CDH7: variants seen among roughly 807,000 people sequenced by gnomAD.
The protein encoded by CDH7 is cadherin-7.
Under a neutral mutation model 71.8 loss-of-function variants are expected in CDH7, and 25 were observed. The observed-to-expected ratio is 0.35, with a 90% CI of 0.25 to 0.49. CDH7 has a LOEUF of 0.49. CDH7 is among the 20% of genes least tolerant of loss of function. CDH7 has a pLI of 0.99. For missense variants in CDH7, 862 were observed against 974.6 expected, an observed-to-expected ratio of 0.88 and a Z score of 1.54; for synonymous variants, 381 against 363.8, an observed-to-expected ratio of 1.05 and a Z score of -0.54.
intron 11 of CDH7, among the ~76,000 whole-genome samples, chr18:65,875,383 G>T (rs1427113212): frequency 6.6e-6 from 1 of 152,170 alleles, no homozygotes; most frequent in Non-Finnish European, 1.5e-5. Flanking sequence ...GTTACTTGAT[G>T]ATAGTCCAGT....
chr18:65,869,601 G>C (rs1913869550), intron 11 of CDH7, among the ~76,000 whole-genome samples: 1 of 114,948 alleles, frequency 8.7e-6, no homozygotes, highest in South Asian at 2.8e-4. Flanking sequence ...TGGCTTCTGA[G>C]TCCAGGCTGG....
intron 6 of CDH7, among the ~76,000 whole-genome samples, chr18:65,837,734 C>T (rs1254425433): frequency 6.6e-6 from 1 of 151,950 alleles, no homozygotes; most frequent in Admixed American, 6.6e-5. Flanking sequence ...GGTCATAACC[C>T]AGGGAAATAA....
Position 65,770,413 on chromosome 18 carries a change from C to A in CDH7, c.210+7361C>A, listed in dbSNP as rs9958015. Among the ~76,000 whole-genome samples the A allele has an allele frequency of 3.4e-3, 521 of 152,200 alleles. 1 individual carries two copies. The highest frequency in any genetic ancestry group is 0.012 in the African/African-American group (501 of 41,540). On this transcript the variant is annotated intron_variant, in intron 2 of 11. Coordinates refer to ENST00000397968, the MANE Select transcript of CDH7 (RefSeq NM_004361.5). ...AAACATTGTTTTGGAATAATAAACACTTAGAATCCTATAAGTTAAAGAACT... is the reference window on the plus strand; with the variant it reads ...AAACATTGTTTTGGAATAATAAACAATTAGAATCCTATAAGTTAAAGAACT...
chr18:65,802,439 CCA>C (rs1398359134), intron 2 of CDH7, among the ~76,000 whole-genome samples: 14 of 152,146 alleles, frequency 9.2e-5, no homozygotes, highest in Non-Finnish European at 2.1e-4. Flanking sequence ...TTCAGAAAAA[CCA>C]ATACCTCACT....
intron 2 of CDH7, among the ~76,000 whole-genome samples, chr18:65,777,999 G>A (rs1489070427): frequency 3.3e-5 from 5 of 152,108 alleles, no homozygotes; most frequent in Admixed American, 6.6e-5. Context: ...CCAGCCGGGC[G>A]TGGTGGCTCA....
At chr18:65,818,319 A>G (rs1911794934) in intron 4 of CDH7, among the ~76,000 whole-genome samples, 2 of 152,174 alleles carry the variant, frequency 1.3e-5, no homozygotes, top group South Asian at 2.1e-4. Context: ...GTTTATTACA[A>G]TTGGTGAATT....
chr18:65,819,392 G>T (rs1911837185), intron 4 of CDH7, among the ~76,000 whole-genome samples: 1 of 152,122 alleles, frequency 6.6e-6, no homozygotes, highest in African/African-American at 2.4e-5. Flanking sequence ...AATAAAAGTT[G>T]CTGTCCAAAA....
At chr18:65,819,118 G>A (rs577777943) in intron 4 of CDH7, among the ~76,000 whole-genome samples, 1 of 152,134 alleles carries the variant, frequency 6.6e-6, no homozygotes, top group East Asian at 1.9e-4. Flanking sequence ...ACTCCCACCA[G>A]TGCCATGACA....
At chr18:65,858,211 C>A (rs919371148) in intron 8 of CDH7, among the ~76,000 whole-genome samples, 2 of 151,948 alleles carry the variant, frequency 1.3e-5, no homozygotes, top group Non-Finnish European at 2.9e-5. Flanking sequence ...TTTTTCTGAT[C>A]ATAATTCATA....
intron 5 of CDH7, among the ~76,000 whole-genome samples, chr18:65,823,040 GCTTTT>G (rs1024322223): frequency 6.6e-6 from 1 of 151,722 alleles, no homozygotes; most frequent in African/African-American, 2.4e-5. Context: ...TCTCTAAAAT[GCTTTT>G]CCAGTAGAAA....
chr18:65,851,195 C>T (rs1266478922), intron 7 of CDH7, among the ~76,000 whole-genome samples: 2 of 152,122 alleles, frequency 1.3e-5, no homozygotes, highest in Non-Finnish European at 2.9e-5. Flanking sequence ...TCCCCAGCCA[C>T]ACAGTTAGCA....
intron 2 of CDH7, among the ~76,000 whole-genome samples, chr18:65,800,973 C>G (rs1449421435): frequency 6.6e-6 from 1 of 152,114 alleles, no homozygotes; most frequent in African/African-American, 2.4e-5. Context: ...AAGCACTTCC[C>G]TGAACCCCGG....
At chr18:65,762,422 A>G (rs188728394) in intron 1 of CDH7, among the ~76,000 whole-genome samples, 8 of 152,348 alleles carry the variant, frequency 5.3e-5, no homozygotes, top group Non-Finnish European at 2.9e-5. Context: ...TTATGAAATG[A>G]AGATAGTTCT....
At chr18:65,877,235 C>T (rs992243989) in intron 11 of CDH7, among the ~76,000 whole-genome samples, 1 of 152,034 alleles carries the variant, frequency 6.6e-6, no homozygotes, top group South Asian at 2.1e-4. Flanking sequence ...ATAAAGCAAA[C>T]TGCATAACAC....
chr18:65,864,360 A>G (rs1313912224), intron 11 of CDH7, among the ~76,000 whole-genome samples: 2 of 151,704 alleles, frequency 1.3e-5, no homozygotes, highest in Admixed American at 1.3e-4. Flanking sequence ...TTAAAACATT[A>G]TGAAATGTTT....
intron 2 of CDH7, 81 bp from the exon 3 acceptor site, chr18:65,809,623 G>C: frequency 8.4e-7 from 1 of 1,189,116 alleles, no homozygotes; most frequent in Middle Eastern, 2.9e-4. Context: ...ACTCCTGCCT[G>C]ACATAAGAAT....
rs547933324 is a variant in CDH7 at position 65,812,438 on chromosome 18, A to G, written c.506-2047A>G. Among the ~76,000 whole-genome samples, 9 of 152,340 alleles carry G rather than the reference A, an allele frequency of 5.9e-5. No individual in the cohort carries two copies. In the South Asian group the frequency reaches 1.9e-3, roughly 32 times the overall value. ...ACATGGAATACCTAAACTACATAACATACGTTGTATGGGCTTACAGTTTAT... is the reference window on the plus strand; with the variant it reads ...ACATGGAATACCTAAACTACATAACGTACGTTGTATGGGCTTACAGTTTAT... On this transcript the variant is annotated intron_variant, in intron 3 of 11. Coordinates refer to ENST00000397968, the MANE Select transcript of CDH7 (RefSeq NM_004361.5).
intron 11 of CDH7, among the ~76,000 whole-genome samples, chr18:65,876,109 C>G (rs7231247): frequency 0.63 from 96,299 of 152,002 alleles, 32,200 homozygotes; most frequent in East Asian, 0.93. Flanking sequence ...GTGAATTGCA[C>G]TAAGATTCAT....
intron 7 of CDH7, among the ~76,000 whole-genome samples, chr18:65,848,993 T>C (rs1295556555): frequency 6.6e-6 from 1 of 152,180 alleles, no homozygotes; most frequent in African/African-American, 2.4e-5. Flanking sequence ...TACTCATTCA[T>C]ATATGTGCAC....
Sources: allele counts gnomAD v4.1 joint callset (sites outside exome capture counted in the v4.1 genomes callset), GRCh38; gene constraint gnomAD v4.1.1; transcripts MANE v1.5; gene names NCBI Gene and HGNC (gene_info 2026-07-23, HGNC 2026-07-21).